Variants in MAN1A1 observed in about 807,000 individuals in gnomAD.
MAN1A1 encodes the protein mannosyl-oligosaccharide 1,2-alpha-mannosidase IA.
In MAN1A1, 29 loss-of-function variants were observed where a neutral mutation model predicts 70.8. That is an observed-to-expected ratio of 0.41 (90% CI 0.31 to 0.56). The LOEUF is 0.56. MAN1A1 is among the 20% of genes least tolerant of loss of function. The pLI is 0.29. For synonymous variants in MAN1A1, 349 were observed against 330.1 expected (o/e 1.06, Z -0.62); for missense variants, 747 against 841.3 (o/e 0.89, Z 1.39).
intron 5 of MAN1A1, among the ~76,000 whole-genome samples, chr6:119,264,736 C>T (rs1445731193): frequency 1.3e-5 from 2 of 152,068 alleles, no homozygotes; most frequent in Non-Finnish European, 2.9e-5. Flanking sequence ...ATTATTGGTC[C>T]ATAACACAGC....
chr6:119,318,286 T>C lies in MAN1A1; in HGVS notation c.604-11294A>G, dbSNP rs1469239000. On this transcript the variant is annotated intron_variant, in intron 2 of 12. Transcript: ENST00000368468. ...TTCTCCGCTCATCCCTTACAACAAC[T>C]CTGCAAGGAAGGTAGTCTCCCCAGA... Among the ~76,000 whole-genome samples, 11 of 152,238 alleles carry C rather than the reference T, an allele frequency of 7.2e-5. No individual in the cohort carries two copies. In the East Asian group the frequency reaches 2.1e-3, roughly 29 times the overall value.
At chr6:119,350,170 G>A (rs1582826513), upstream of MAN1A1, among the ~76,000 whole-genome samples, 1 of 152,188 alleles carries the variant, frequency 6.6e-6, no homozygotes, top group East Asian at 1.9e-4. Context: ...CCTCCGACCC[G>A]TGCGGGGCGG....
intron 6 of MAN1A1, 60 bp downstream of exon 6, chr6:119,248,200 T>C (rs1775219683): frequency 8.9e-7 from 1 of 1,128,882 alleles, no homozygotes; most frequent in East Asian, 2.4e-5. Flanking sequence ...TGTATACTTA[T>C]TAGGCAACAA....
chr6:119,288,466 A>T (rs1776441681), intron 5 of MAN1A1, among the ~76,000 whole-genome samples: 1 of 151,974 alleles, frequency 6.6e-6, no homozygotes, highest in African/African-American at 2.4e-5. Context: ...ATGCTCATTT[A>T]AAAAAATTTT....
At chr6:119,332,373 TA>T (rs1442736899) in intron 2 of MAN1A1, among the ~76,000 whole-genome samples, 1 of 152,230 alleles carries the variant, frequency 6.6e-6, no homozygotes, top group Non-Finnish European at 1.5e-5. Context: ...TGATGGAGTA[TA>T]ACTGAGAAGC....
intron 8 of MAN1A1, among the ~76,000 whole-genome samples, chr6:119,194,573 C>T (rs1056122789): frequency 2.3e-4 from 35 of 152,108 alleles, no homozygotes; most frequent in South Asian, 4.1e-4. Flanking sequence ...ATCCTCCCAC[C>T]TGGGCCTCTC....
At chr6:119,272,311 C>T (rs1455333071) in intron 5 of MAN1A1, among the ~76,000 whole-genome samples, 1 of 152,128 alleles carries the variant, frequency 6.6e-6, no homozygotes, top group African/African-American at 2.4e-5. Flanking sequence ...ATCTCTCAGA[C>T]CAGGTTTTCT....
At chr6:119,206,459 C>A (rs1346073205) in intron 6 of MAN1A1, among the ~76,000 whole-genome samples, 6 of 152,232 alleles carry the variant, frequency 3.9e-5, no homozygotes, top group Non-Finnish European at 7.3e-5. Context: ...CTCACTCTCA[C>A]TTCCTGCTCC....
intron 2 of MAN1A1, among the ~76,000 whole-genome samples, chr6:119,344,320 T>C (rs1773671288): frequency 6.6e-6 from 1 of 152,226 alleles, no homozygotes; most frequent in African/African-American, 2.4e-5. Context: ...AAGCTGAACA[T>C]AATTAACTAC....
intron 5 of MAN1A1, among the ~76,000 whole-genome samples, chr6:119,286,397 C>T (rs1776375414): frequency 6.6e-6 from 1 of 152,128 alleles, no homozygotes; most frequent in Non-Finnish European, 1.5e-5. Flanking sequence ...TTCTCTCTCT[C>T]CTCCCTACTC....
At chr6:119,187,128 C>T (rs1773313619) in intron 11 of MAN1A1, among the ~76,000 whole-genome samples, 2 of 152,280 alleles carry the variant, frequency 1.3e-5, no homozygotes, top group Middle Eastern at 6.8e-3. Context: ...CTCGGCCATA[C>T]ATTTTGTACA....
rs1460126409 is a variant in MAN1A1 at position 119,201,303 on chromosome 6, T to C, written c.1161A>G (p.Gln387=). 1.9e-6 allele frequency: 3 copies of C among 1,613,604 alleles called. No individual in the cohort carries two copies. The highest frequency in any genetic ancestry group is 2.7e-5 in the African/African-American group (2 of 74,926). Residue 387 remains glutamine, a synonymous_variant, in exon 8 of 13, where the codon CAA becomes CAG. Coordinates refer to ENST00000368468, the MANE Select transcript of MAN1A1 (RefSeq NM_005907.4). ...RTVLNKLEKP[Q]GLYPNYLNPS... ...GATTCAGATAGTTAGGATAAAGGCC[T>C]TGTGGTTTTTCCAGTTTGTTCAGTA...
At chr6:119,323,727 A>C (rs1326985949) in intron 2 of MAN1A1, among the ~76,000 whole-genome samples, 1 of 152,206 alleles carries the variant, frequency 6.6e-6, no homozygotes, top group East Asian at 1.9e-4. Context: ...TTCTGTAACC[A>C]CAAGAATGAA....
At chr6:119,281,759 A>T (rs1776230046) in intron 5 of MAN1A1, among the ~76,000 whole-genome samples, 1 of 152,052 alleles carries the variant, frequency 6.6e-6, no homozygotes, top group Non-Finnish European at 1.5e-5. Context: ...TATTTCGTTA[A>T]AAAACAACTG....
At chr6:119,336,561 G>C (rs984988203) in intron 2 of MAN1A1, among the ~76,000 whole-genome samples, 1 of 152,146 alleles carries the variant, frequency 6.6e-6, no homozygotes, top group Admixed American at 6.5e-5. Flanking sequence ...AAAATTCATT[G>C]AGCCTCTACC....
At chr6:119,299,152 A>C (rs903867153) in intron 4 of MAN1A1, among the ~76,000 whole-genome samples, 1 of 152,126 alleles carries the variant, frequency 6.6e-6, no homozygotes, top group Admixed American at 6.5e-5. Flanking sequence ...GAATGGGTGA[A>C]TATAAGACAA....
intron 6 of MAN1A1, among the ~76,000 whole-genome samples, chr6:119,229,441 C>A (rs1774614512): frequency 6.6e-6 from 1 of 152,198 alleles, no homozygotes; most frequent in East Asian, 1.9e-4. Flanking sequence ...GAGCTGTTTT[C>A]TTTTCATAGA....
chr6:119,219,934 AT>A (rs5879490), intron 6 of MAN1A1, among the ~76,000 whole-genome samples: 62,372 of 148,290 alleles, frequency 0.42, 13,324 homozygotes, highest in East Asian at 0.67. Flanking sequence ...TTGTCTGGTG[AT>A]TTTTTTTTTT....
At chr6:119,350,160 C>T (rs1773870028), upstream of MAN1A1, among the ~76,000 whole-genome samples, 1 of 152,168 alleles carries the variant, frequency 6.6e-6, no homozygotes, top group South Asian at 2.1e-4. Flanking sequence ...TCTGCCTCCT[C>T]CTCCGACCCG....
Sources: allele counts gnomAD v4.1 joint callset (sites outside exome capture counted in the v4.1 genomes callset), GRCh38; gene constraint gnomAD v4.1.1; transcripts MANE v1.5; gene names NCBI Gene and HGNC (gene_info 2026-07-23, HGNC 2026-07-21).